Variants in ERP44 observed in about 807,000 individuals in gnomAD.
ERP44 encodes endoplasmic reticulum resident protein 44.
A neutral mutation model predicts 53.4 loss-of-function variants in ERP44; 25 were observed. That is an observed-to-expected ratio of 0.47 (90% CI 0.34 to 0.65). The LOEUF (loss-of-function observed/expected upper bound fraction) is 0.65. Ranked by LOEUF, ERP44 falls within the 30% of genes least tolerant of loss-of-function variation. The pLI is 0.01. For missense variants in ERP44, 338 were observed against 493.2 expected, an observed-to-expected ratio of 0.69 and a Z score of 2.98; for synonymous variants, 145 against 161.2, an observed-to-expected ratio of 0.90 and a Z score of 0.76.
chr9:100,037,380 C>A (rs1825856429), intron 4 of ERP44, among the ~76,000 whole-genome samples: 1 of 152,130 alleles, frequency 6.6e-6, no homozygotes, highest in Non-Finnish European at 1.5e-5. Context: ...GTGCTCTGGG[C>A]CCCTAAATAA....
chr9:100,067,337 C>T (rs545779225), intron 1 of ERP44, among the ~76,000 whole-genome samples: 8 of 151,910 alleles, frequency 5.3e-5, no homozygotes, highest in South Asian at 4.1e-4. Context: ...ACTGCAGGCG[C>T]GCGCCGCCGC....
chr9:100,043,152 A>G (rs1018383624), intron 4 of ERP44, among the ~76,000 whole-genome samples: 1 of 149,118 alleles, frequency 6.7e-6, no homozygotes, highest in Non-Finnish European at 1.5e-5. Flanking sequence ...CCAGCTACTC[A>G]GGAGGCTGAG....
At chr9:100,020,816 A>T in intron 5 of ERP44, 85 bp from the exon 6 acceptor site, 1 of 684,454 alleles carries the variant, frequency 1.5e-6, no homozygotes, top group South Asian at 1.8e-5. Context: ...CTTAGTACCT[A>T]AACAAGTCCA....
intron 8 of ERP44, 29 bp from the exon 9 acceptor site, chr9:100,007,718 A>T: frequency 8.7e-7 from 1 of 1,146,996 alleles, no homozygotes; most frequent in Non-Finnish European, 1.3e-6. Flanking sequence ...AATGAGAATT[A>T]TCAGGCTTCT....
intron 10 of ERP44, chr9:99,998,742 T>C (rs943276054): frequency 2.7e-6 from 2 of 742,392 alleles, no homozygotes; most frequent in African/African-American, 1.8e-5. Context: ...TTTTCTTTTT[T>C]CCTCTTCCCG....
In ERP44 at chr9:100,022,206, T is replaced by C. The variant is rs1170080730; in HGVS notation, c.307A>G (p.Arg103Gly). Residue 103 changes from arginine to glycine, a missense_variant, in exon 5 of 12, where the codon AGG becomes GGG. By Grantham distance (125) the Arg-to-Gly change is moderately radical. Transcript: ENST00000262455. ...DQHSDIAQRY[R>G]ISKYPTLKLF... ...TTGAGGGTTGGGTATTTGCTTATCC[T>C]GTATCTCTGGGCTATGTCAGCTAAA... The C allele has an allele frequency of 6.2e-7, 1 of 1,612,626 alleles. No individual in the cohort carries two copies. The highest frequency in any genetic ancestry group is 8.5e-7 in the Non-Finnish European group (1 of 1,179,324).
intron 10 of ERP44, among the ~76,000 whole-genome samples, chr9:99,999,997 G>A (rs933127218): frequency 1.3e-5 from 2 of 151,882 alleles, no homozygotes; most frequent in Non-Finnish European, 2.9e-5. Flanking sequence ...TTGCACCATC[G>A]TCAAAAATCA....
intron 1 of ERP44, among the ~76,000 whole-genome samples, chr9:100,075,299 G>A (rs548753160): frequency 2.0e-5 from 3 of 152,316 alleles, no homozygotes; most frequent in Middle Eastern, 3.4e-3. Flanking sequence ...ACATCTCCCG[G>A]TACCCGGTAT....
At position 100,081,037 on chromosome 9, in the gene ERP44, AT is replaced by A. The variant is rs1826416406; in HGVS notation, c.57+17746del. On this transcript the variant is annotated intron_variant, in intron 1 of 11. Transcript: ENST00000262455. ...TATATTTAGAAAAACTGAAAAAAAA[AT>A]ATGAAAATCAAGACTAAATACATCT... Among the ~76,000 whole-genome samples, 4 of 152,086 alleles carry A rather than the reference AT, an allele frequency of 2.6e-5. No homozygotes were observed. The South Asian group carries it at 6.2e-4, about 24-fold the overall frequency.
At chr9:100,097,018 T>G (rs867749912) in intron 1 of ERP44, among the ~76,000 whole-genome samples, 1 of 152,196 alleles carries the variant, frequency 6.6e-6, no homozygotes, top group African/African-American at 2.4e-5. Context: ...TGACTTGTAA[T>G]TCTAGTTTAA....
intron 1 of ERP44, among the ~76,000 whole-genome samples, chr9:100,077,171 A>G (rs1017577844): frequency 3.3e-5 from 5 of 152,158 alleles, no homozygotes; most frequent in African/African-American, 9.7e-5. Context: ...CCTGCACACA[A>G]TGCTTCTGCC....
intron 1 of ERP44, among the ~76,000 whole-genome samples, chr9:100,068,352 C>T (rs1401732753): frequency 1.5e-5 from 2 of 135,184 alleles, no homozygotes; most frequent in Non-Finnish European, 3.2e-5. Flanking sequence ...GCCCCCCGCC[C>T]GGCCAGCCGC....
At chr9:100,018,985 G>A (rs539406561) in intron 6 of ERP44, among the ~76,000 whole-genome samples, 51 of 152,174 alleles carry the variant, frequency 3.4e-4, no homozygotes, top group African/African-American at 1.1e-3. Context: ...TGGATAAACG[G>A]GAGTGAACAA....
chr9:100,079,413 TACACACACACACACACACACACACAC>T (rs58110423), intron 1 of ERP44, among the ~76,000 whole-genome samples: 2 of 137,270 alleles, frequency 1.5e-5, no homozygotes, highest in Admixed American at 1.5e-4. Flanking sequence ...AACTCCCCTT[TACACACACACACACACACACACACAC>T]ACACACACAC....
At chr9:100,061,714 T>C (rs192612487) in intron 1 of ERP44, among the ~76,000 whole-genome samples, 70 of 151,558 alleles carry the variant, frequency 4.6e-4, no homozygotes, top group African/African-American at 1.6e-3. Context: ...CCAATAACTA[T>C]CATGTCTGTT....
At chr9:100,007,814 A>G in intron 8 of ERP44, 125 bp from the exon 9 acceptor site, 1 of 662,858 alleles carries the variant, frequency 1.5e-6, no homozygotes, top group Admixed American at 2.7e-5. Context: ...CGGGGGAAAA[A>G]AAAGGCCCAG....
chr9:100,069,718 T>C (rs2118733052), intron 1 of ERP44, among the ~76,000 whole-genome samples: 1 of 152,316 alleles, frequency 6.6e-6, no homozygotes, highest in Admixed American at 6.5e-5. Flanking sequence ...ACAAATTCCA[T>C]ACCTCCAAAA....
At chr9:99,986,238 G>A (rs1830194796) in intron 10 of ERP44, among the ~76,000 whole-genome samples, 2 of 152,110 alleles carry the variant, frequency 1.3e-5, no homozygotes, top group Admixed American at 1.3e-4. Flanking sequence ...CTACCTGTTT[G>A]TTCTTTAAAG....
At chr9:100,022,261 T>C (rs1359219666) in intron 4 of ERP44, 35 bp from the exon 5 acceptor site, 1 of 1,575,956 alleles carries the variant, frequency 6.3e-7, no homozygotes, top group Admixed American at 1.8e-5. Flanking sequence ...TACCCTCATA[T>C]GTAGTCAGGG....
Sources: allele counts gnomAD v4.1 joint callset (sites outside exome capture counted in the v4.1 genomes callset), GRCh38; gene constraint gnomAD v4.1.1; transcripts MANE v1.5; gene names NCBI Gene and HGNC (gene_info 2026-07-23, HGNC 2026-07-21).